TPRG1: variants seen among roughly 807,000 people sequenced by gnomAD.
TPRG1 encodes tumor protein p63 regulated 1, also known as tumor protein p63-regulated gene 1 protein.
A neutral mutation model predicts 29.3 loss-of-function variants in TPRG1; 29 were observed. The observed-to-expected ratio is 0.99, with a 90% CI of 0.74 to 1.35. The LOEUF is 1.35. Among genes scored for constraint, TPRG1 ranks in the 40% most tolerant of loss-of-function variants. TPRG1 has a pLI of 0.00. For missense variants in TPRG1, 327 were observed against 335.0 expected (o/e 0.98, Z 0.19); for synonymous variants, 130 against 116.8 (o/e 1.11, Z -0.73).
At chr3:189,003,096 T>A (rs571904681) in intron 2 of TPRG1, among the ~76,000 whole-genome samples, 8 of 152,304 alleles carry the variant, frequency 5.3e-5, no homozygotes, top group African/African-American at 1.9e-4. Context: ...GACATTATTT[T>A]TCATTTGCCA....
chr3:189,271,025 A>G (rs1437772308), intron 4 of TPRG1, among the ~76,000 whole-genome samples: 1 of 152,152 alleles, frequency 6.6e-6, no homozygotes. Context: ...ACACACACAA[A>G]CACACACACA....
At chr3:189,067,036 C>A (rs1322512707) in intron 4 of TPRG1, among the ~76,000 whole-genome samples, 1 of 151,842 alleles carries the variant, frequency 6.6e-6, no homozygotes, top group Non-Finnish European at 1.5e-5. Flanking sequence ...AGTGAGCAAT[C>A]TGAAAAAAGA....
At chr3:189,302,198 T>C (rs1720945501) in intron 4 of TPRG1, among the ~76,000 whole-genome samples, 1 of 152,128 alleles carries the variant, frequency 6.6e-6, no homozygotes, top group South Asian at 2.1e-4. Context: ...CTGCTCTGAG[T>C]TTATGGAAGG....
chr3:189,254,482 T>G (rs142173650), intron 4 of TPRG1, among the ~76,000 whole-genome samples: 1 of 152,212 alleles, frequency 6.6e-6, no homozygotes, highest in African/African-American at 2.4e-5. Flanking sequence ...TCTTTTTGCT[T>G]AGGATTGTCT....
chr3:189,049,666 G>A (rs1258678756), intron 4 of TPRG1, among the ~76,000 whole-genome samples: 2 of 152,078 alleles, frequency 1.3e-5, no homozygotes, highest in African/African-American at 2.4e-5. Context: ...TCTGGAAAGC[G>A]CCACCTCCTG....
At chr3:189,156,416 G>A (rs1377181281) in intron 5 of TPRG1, among the ~76,000 whole-genome samples, 1 of 152,108 alleles carries the variant, frequency 6.6e-6, no homozygotes, top group African/African-American at 2.4e-5. Flanking sequence ...TGTTACAGCA[G>A]CGAAAGGAAA....
intron 4 of TPRG1, among the ~76,000 whole-genome samples, chr3:189,292,725 G>C (rs1336221998): frequency 3.9e-5 from 6 of 152,168 alleles, no homozygotes; most frequent in Non-Finnish European, 7.3e-5. Context: ...CTGAGCAAAA[G>C]CTTTAAGGTG....
At chr3:189,019,661 A>G (rs1183816545) in intron 3 of TPRG1, among the ~76,000 whole-genome samples, 2 of 152,030 alleles carry the variant, frequency 1.3e-5, no homozygotes, top group Non-Finnish European at 2.9e-5. Flanking sequence ...TTTTTGCATC[A>G]ATGTTCATCA....
At chr3:189,249,671 CAG>C (rs1416736938) in intron 4 of TPRG1, among the ~76,000 whole-genome samples, 2 of 151,924 alleles carry the variant, frequency 1.3e-5, no homozygotes, top group African/African-American at 4.8e-5. Context: ...TTTCTTCTAA[CAG>C]AGTAATCATA....
intron 3 of TPRG1, among the ~76,000 whole-genome samples, chr3:189,136,990 C>T (rs556744257): frequency 6.6e-6 from 1 of 152,172 alleles, no homozygotes; most frequent in African/African-American, 2.4e-5. Context: ...TGACCCCTGT[C>T]CTTATGGAAT....
chr3:189,065,564 A>T (rs1716383298), intron 4 of TPRG1, among the ~76,000 whole-genome samples: 1 of 152,154 alleles, frequency 6.6e-6, no homozygotes, highest in Non-Finnish European at 1.5e-5. Context: ...TAAAAAAAAA[A>T]GGCAATGATG....
upstream of TPRG1, among the ~76,000 whole-genome samples, chr3:189,098,386 G>A (rs552044793): frequency 3.9e-5 from 6 of 152,112 alleles, no homozygotes; most frequent in African/African-American, 1.4e-4. Flanking sequence ...GGAGATCTGG[G>A]TTCAGCAGGG....
intron 4 of TPRG1, among the ~76,000 whole-genome samples, chr3:189,273,485 A>G (rs1384677300): frequency 6.6e-6 from 1 of 152,204 alleles, no homozygotes; most frequent in Non-Finnish European, 1.5e-5. Flanking sequence ...TGCGACAGGC[A>G]GTGTGACAGG....
intron 4 of TPRG1, among the ~76,000 whole-genome samples, chr3:189,260,830 G>A (rs1370314598): frequency 6.6e-6 from 1 of 151,986 alleles, no homozygotes; most frequent in African/African-American, 2.4e-5. Flanking sequence ...GGAGGAAGGA[G>A]GGCATCGCAG....
intron 4 of TPRG1, among the ~76,000 whole-genome samples, chr3:189,055,687 A>T (rs1342266880): frequency 6.6e-6 from 1 of 152,136 alleles, no homozygotes; most frequent in East Asian, 1.9e-4. Context: ...AGCCCTCCCA[A>T]CAAAGAGATG....
chr3:189,113,122 T>C (rs551563735), intron 1 of TPRG1, among the ~76,000 whole-genome samples: 4 of 152,210 alleles, frequency 2.6e-5, no homozygotes, highest in Non-Finnish European at 5.9e-5. Context: ...CTAGGTATTT[T>C]ATTCTCTTTG....
chr3:189,091,513 A>G (rs1718337143), intron 4 of TPRG1, among the ~76,000 whole-genome samples: 1 of 152,156 alleles, frequency 6.6e-6, no homozygotes, highest in Non-Finnish European at 1.5e-5. Context: ...AGTCATTGAT[A>G]TGCTTTCTGC....
At position 189,312,103 on chromosome 3, in the gene TPRG1, T is replaced by TCTCTCTC. The variant is rs1560688768; in HGVS notation, c.633+1564_633+1565insCTCTCTC. ...TATGTTTCTTTCTTTCTTTGTTTCT[T>TCTCTCTC]TGTTTCTTTCTTTGTTTCTTTCTTT... On this transcript the variant is annotated intron_variant, in intron 5 of 5. Coordinates refer to ENST00000345063, the MANE Select transcript of TPRG1 (RefSeq NM_198485.4). Among the ~76,000 whole-genome samples the TCTCTCTC allele has an allele frequency of 1.9e-3, 131 of 69,442 alleles. 20 individuals carry two copies. Among genetic ancestry groups the TCTCTCTC allele is most frequent in the Admixed American group, 3.2e-3 (26 of 8,114 alleles). 45.6% of individuals were successfully genotyped at this position (69,442 alleles called of 152,430 possible). A position where few individuals can be genotyped will look rare whatever the true frequency, so the allele number is the denominator to read the frequency against.
intron 4 of TPRG1, among the ~76,000 whole-genome samples, chr3:189,284,069 A>G (rs999304335): frequency 1.4e-4 from 22 of 152,228 alleles, no homozygotes; most frequent in African/African-American, 5.1e-4. Flanking sequence ...TTACAAGGAC[A>G]TGTATCCTCT....
Sources: gnomAD v4.1 joint callset for allele counts (sites outside exome capture counted in the v4.1 genomes callset) on GRCh38, gnomAD v4.1.1 for gene constraint, MANE v1.5 for transcripts, NCBI Gene and HGNC (gene_info 2026-07-23, HGNC 2026-07-21) for gene names.